MDGA2: variants seen among roughly 807,000 people sequenced by gnomAD.
MDGA2 encodes MAM domain containing glycosylphosphatidylinositol anchor 2.
Under a neutral mutation model 117.8 loss-of-function variants are expected in MDGA2, and 40 were observed. That is an observed-to-expected ratio of 0.34 (90% CI 0.26 to 0.44). The LOEUF is 0.44. MDGA2 is among the 20% of genes least tolerant of loss of function. The pLI is 1.00. For missense variants in MDGA2, 1,123 were observed against 1,250.6 expected (o/e 0.90, Z 1.54); for synonymous variants, 452 against 439.0 (o/e 1.03, Z -0.37).
chr14:47,046,076 C>T (rs918109207), intron 7 of MDGA2, among the ~76,000 whole-genome samples: 1 of 151,442 alleles, frequency 6.6e-6, no homozygotes, highest in African/African-American at 2.4e-5. Flanking sequence ...ATGGGTGCAG[C>T]ACACCAACAT....
At chr14:47,596,803 T>C (rs1338209694) in intron 1 of MDGA2, among the ~76,000 whole-genome samples, 1 of 152,152 alleles carries the variant, frequency 6.6e-6, no homozygotes, top group Admixed American at 6.6e-5. Context: ...GTTATTCCCC[T>C]TTGTGCAGAT....
chr14:47,029,428 A>G (rs1192333656), intron 8 of MDGA2, among the ~76,000 whole-genome samples: 1 of 152,184 alleles, frequency 6.6e-6, no homozygotes, highest in Non-Finnish European at 1.5e-5. Context: ...ATTAGGTAAA[A>G]GGCAGTTACT....
At chr14:46,903,016 T>A (rs1416086169) in intron 10 of MDGA2, among the ~76,000 whole-genome samples, 1 of 152,186 alleles carries the variant, frequency 6.6e-6, no homozygotes, top group East Asian at 1.9e-4. Flanking sequence ...CCACGGGAAG[T>A]TTGAGCCATT....
intron 10 of MDGA2, among the ~76,000 whole-genome samples, chr14:46,909,916 A>G (rs1178607482): frequency 1.3e-5 from 2 of 152,164 alleles, no homozygotes; most frequent in Non-Finnish European, 2.9e-5. Flanking sequence ...CCTCATGGAT[A>G]TATTAGTACA....
In MDGA2 at chr14:47,155,888, C is replaced by CTTTT. The variant is rs55827732; in HGVS notation, c.596-11618_596-11615dup. 3.3e-3 allele frequency among the ~76,000 whole-genome samples: 132 copies of CTTTT among 40,122 alleles called. 11 individuals are homozygous for CTTTT. The highest frequency in any genetic ancestry group is 4.3e-3 in the Non-Finnish European group (98 of 23,014). 26.3% of individuals were successfully genotyped at this position (40,122 alleles called of 152,430 possible). On this transcript the variant is annotated intron_variant, in intron 3 of 16. Coordinates refer to ENST00000399232, the MANE Select transcript of MDGA2 (RefSeq NM_001113498.3). ...ATTCTTTTCTTTTCTTCTTCTTCTTCTTTTTTTTTTTTTTTTTTTTTTTTT... is the reference window on the plus strand; with the variant it reads ...ATTCTTTTCTTTTCTTCTTCTTCTTCTTTTTTTTTTTTTTTTTTTTTTTTTTTTT...
chr14:47,033,908 GTTCA>G (rs1357699491), intron 8 of MDGA2, among the ~76,000 whole-genome samples: 1 of 152,136 alleles, frequency 6.6e-6, no homozygotes, highest in Admixed American at 6.5e-5. Flanking sequence ...ATATGAAATA[GTTCA>G]TTCATTCTGC....
chr14:46,862,235 C>T (rs953139548), intron 14 of MDGA2, among the ~76,000 whole-genome samples: 1 of 151,736 alleles, frequency 6.6e-6, no homozygotes, highest in African/African-American at 2.4e-5. Flanking sequence ...TTGGTCACCA[C>T]TCTCCAAAAA....
chr14:47,643,465 T>C (rs1187194183), intron 1 of MDGA2, among the ~76,000 whole-genome samples: 1 of 152,068 alleles, frequency 6.6e-6, no homozygotes, highest in Non-Finnish European at 1.5e-5. Flanking sequence ...AAATAGCATA[T>C]GGCAATTTCT....
chr14:47,345,054 C>T (rs1013837760), intron 1 of MDGA2, among the ~76,000 whole-genome samples: 2 of 152,040 alleles, frequency 1.3e-5, no homozygotes, highest in Non-Finnish European at 2.9e-5. Context: ...AAATAAATGT[C>T]TACATTTTTT....
At chr14:47,178,092 A>C (rs1028482681) in intron 3 of MDGA2, among the ~76,000 whole-genome samples, 1 of 152,158 alleles carries the variant, frequency 6.6e-6, no homozygotes, top group Non-Finnish European at 1.5e-5. Context: ...TGGGTATTGT[A>C]GATTCATAAT....
At chr14:47,097,182 A>G (rs963384829) in intron 5 of MDGA2, 59 bp from the exon 6 acceptor site, 1 of 1,555,106 alleles carries the variant, frequency 6.4e-7, no homozygotes, top group Non-Finnish European at 8.8e-7. Context: ...CTAGAATTCA[A>G]CAGCATGCAT....
chr14:47,257,533 T>C (rs561106436), intron 2 of MDGA2, among the ~76,000 whole-genome samples: 39 of 152,278 alleles, frequency 2.6e-4, no homozygotes, highest in Admixed American at 4.6e-4. Flanking sequence ...CTCATTAGAA[T>C]GTTCATGAGG....
At chr14:47,647,350 A>G (rs1429936370) in intron 1 of MDGA2, among the ~76,000 whole-genome samples, 2 of 152,140 alleles carry the variant, frequency 1.3e-5, no homozygotes, top group African/African-American at 4.8e-5. Context: ...ATTGCACTGT[A>G]TGAATCTTTG....
At chr14:47,588,899 T>G (rs1401107534) in intron 1 of MDGA2, among the ~76,000 whole-genome samples, 2 of 151,934 alleles carry the variant, frequency 1.3e-5, no homozygotes, top group South Asian at 4.1e-4. Flanking sequence ...TAGGAAAGTA[T>G]CTGTTTCCTT....
intron 1 of MDGA2, among the ~76,000 whole-genome samples, chr14:47,324,533 C>G (rs556637236): frequency 2.0e-5 from 3 of 152,118 alleles, no homozygotes; most frequent in Non-Finnish European, 4.4e-5. Context: ...GCAGAACCAT[C>G]GAGCCAACTC....
At chr14:47,394,470 A>G (rs1368880113) in intron 1 of MDGA2, among the ~76,000 whole-genome samples, 1 of 152,204 alleles carries the variant, frequency 6.6e-6, no homozygotes, top group Admixed American at 6.5e-5. Context: ...CATATCAGAA[A>G]GAGTATCATA....
chr14:47,076,000 C>T (rs1049720177), intron 6 of MDGA2, among the ~76,000 whole-genome samples: 18 of 151,880 alleles, frequency 1.2e-4, no homozygotes, highest in African/African-American at 3.4e-4. Flanking sequence ...AAATTAGTAT[C>T]GAATACTCAC....
At chr14:47,413,240 T>A (rs1324322059) in intron 1 of MDGA2, among the ~76,000 whole-genome samples, 3 of 152,220 alleles carry the variant, frequency 2.0e-5, no homozygotes, top group African/African-American at 7.2e-5. Context: ...GGAAAGCACA[T>A]GCTTTAATTA....
intron 1 of MDGA2, among the ~76,000 whole-genome samples, chr14:47,642,622 G>T (rs1897449284): frequency 6.6e-6 from 1 of 151,790 alleles, no homozygotes; most frequent in Non-Finnish European, 1.5e-5. Context: ...AAGTACTAGA[G>T]TCCTCAATTC....
Sources: gnomAD v4.1 joint callset for allele counts (sites outside exome capture counted in the v4.1 genomes callset) on GRCh38, gnomAD v4.1.1 for gene constraint, MANE v1.5 for transcripts, NCBI Gene and HGNC (gene_info 2026-07-23, HGNC 2026-07-21) for gene names.